Variants in DNM2 observed in about 807,000 individuals in gnomAD.
DNM2 encodes the protein dynamin-2.
DNM2 carries 15 observed loss-of-function variants against 99.0 expected under a neutral mutation model. That is an observed-to-expected ratio of 0.15 (90% CI 0.10 to 0.23). The LOEUF (loss-of-function observed/expected upper bound fraction) is 0.23, where lower values mean the gene tolerates loss of function less well. DNM2 is among the 10% of genes least tolerant of loss of function. DNM2 has a pLI of 1.00. For missense variants in DNM2, 742 were observed against 1,189.4 expected, an observed-to-expected ratio of 0.62 and a Z score of 5.53; for synonymous variants, 525 against 481.2, an observed-to-expected ratio of 1.09 and a Z score of -1.19.
At chr19:10,766,734 G>A (rs1208548724) in intron 2 of DNM2, among the ~76,000 whole-genome samples, 1 of 152,138 alleles carries the variant, frequency 6.6e-6, no homozygotes, top group South Asian at 2.1e-4. Context: ...AGTACAACCA[G>A]TGGGCCCACA....
At chr19:10,807,104 G>A (rs772853179) in intron 13 of DNM2, among the ~76,000 whole-genome samples, 4 of 152,036 alleles carry the variant, frequency 2.6e-5, no homozygotes, top group African/African-American at 4.8e-5. Context: ...ACAGAGTCTC[G>A]CATTGTCACC....
chr19:10,760,587 C>T (rs1206310499), intron 2 of DNM2, among the ~76,000 whole-genome samples: 1 of 152,100 alleles, frequency 6.6e-6, no homozygotes, highest in Non-Finnish European at 1.5e-5. Flanking sequence ...TTTATAGCTG[C>T]TCTGCTCAAT....
rs1426200203 is a variant in DNM2 at position 10,795,696 on chromosome 19, C to A, written c.1196+257C>A. 1 of 587,028 alleles carries A rather than the reference C, an allele frequency of 1.7e-6. No individual in the cohort carries two copies. 36.4% of individuals were successfully genotyped at this position (587,028 alleles called of 1,614,324 possible). On this transcript the variant is annotated intron_variant, in intron 9 of 20. Transcript: ENST00000389253. This position sits in a 1 kb window ranked among gnomAD's most constrained non-coding sequence, Gnocchi z 4.2. Reference sequence around the variant, plus strand: ...AAATAGGGCTTAGTTCCTGCCCAGTCGGTTGGTGTGAACCTCATGCTAAAC... The same window carrying A: ...AAATAGGGCTTAGTTCCTGCCCAGTAGGTTGGTGTGAACCTCATGCTAAAC...
At chr19:10,819,152 C>G (rs545903974) in intron 15 of DNM2, among the ~76,000 whole-genome samples, 1 of 152,106 alleles carries the variant, frequency 6.6e-6, no homozygotes, top group South Asian at 2.1e-4. Flanking sequence ...AGGGCAGGTG[C>G]GGTGGTGCAC....
rs1415898247 is a variant in DNM2 at position 10,764,582 on chromosome 19, C to T, written c.235+4771C>T. Among the ~76,000 whole-genome samples, 5 of 152,228 alleles carry T rather than the reference C, an allele frequency of 3.3e-5. No individual in the cohort carries two copies. The highest frequency in any genetic ancestry group is 1.2e-4 in the African/African-American group (5 of 41,466). ...CAGTGAGGCCCTGTGAACCACCCCT[C>T]CCCACCGCCCTTGGCCTTGAACTGG... On this transcript the variant is annotated intron_variant, in intron 2 of 20. Coordinates refer to ENST00000389253, the MANE Select transcript of DNM2 (RefSeq NM_001005361.3). This position sits in a 1 kb window ranked among gnomAD's most constrained non-coding sequence, Gnocchi z 4.1.
chr19:10,787,969 C>T (rs375735873), intron 7 of DNM2, among the ~76,000 whole-genome samples: 38 of 152,006 alleles, frequency 2.5e-4, no homozygotes, highest in African/African-American at 6.5e-4. Flanking sequence ...TGGTGGCTTA[C>T]GCCTGTAATC....
Position 10,831,127 on chromosome 19 carries a change from C to T in DNM2, c.*80C>T, listed in dbSNP as rs1407126554. ...TTCAGTGGTCTGGGGCCCTCCGCCG[C>T]CCCTATGCTGGGACCAGGCTCCCAG... On this transcript the variant is annotated 3_prime_UTR_variant, in exon 21 of 21. Transcript: ENST00000389253. This position sits in a 1 kb window ranked among gnomAD's most constrained non-coding sequence, Gnocchi z 4.3. 2.7e-6 allele frequency: 4 copies of T among 1,499,106 alleles called. No individual in the cohort carries two copies. The highest frequency in any genetic ancestry group is 3.6e-6 in the Non-Finnish European group (4 of 1,124,232). 92.9% of individuals were successfully genotyped at this position (1,499,106 alleles called of 1,614,324 possible). A position where few individuals can be genotyped will look rare whatever the true frequency, so the allele number is the denominator to read the frequency against.
chr19:10,718,126 T>C lies in DNM2; in HGVS notation c.-117T>C. 8.7e-7 allele frequency: 1 copy of C among 1,151,898 alleles called. No homozygotes were observed. Among genetic ancestry groups the C allele is most frequent in the Non-Finnish European group, 1.1e-6 (1 of 910,954 alleles). 71.4% of individuals were successfully genotyped at this position (1,151,898 alleles called of 1,614,324 possible). On this transcript the variant is annotated 5_prime_UTR_variant, in exon 1 of 21. Coordinates refer to ENST00000389253, the MANE Select transcript of DNM2 (RefSeq NM_001005361.3). ...CGTGAGGCCGAGCCGGGAGCGGGCG[T>C]CTTGCCGAGGCCCGGGCGGGCGGGG...
chr19:10,828,906 C>T, intron 18 of DNM2, 130 bp from the exon 19 acceptor site: 1 of 935,876 alleles, frequency 1.1e-6, no homozygotes, highest in Non-Finnish European at 1.7e-6. Flanking sequence ...GCCTGGGTGA[C>T]AGAGCAAGAC....
intron 7 of DNM2, among the ~76,000 whole-genome samples, chr19:10,791,631 G>A (rs1039506996): frequency 6.6e-6 from 1 of 152,180 alleles, no homozygotes; most frequent in African/African-American, 2.4e-5. Context: ...CCAGGAGGCT[G>A]GTGCCCAGGT....
intron 13 of DNM2, 122 bp downstream of exon 13, chr19:10,806,089 G>A (rs1599590286): frequency 1.6e-6 from 2 of 1,239,272 alleles, no homozygotes; most frequent in South Asian, 2.5e-5. Context: ...TCAGTACCAG[G>A]CCATCTGCTC....
chr19:10,783,214 A>G, intron 6 of DNM2, 94 bp downstream of exon 6: 1 of 1,570,398 alleles, frequency 6.4e-7, no homozygotes, highest in East Asian at 2.3e-5. Context: ...AGGCTAGAGC[A>G]GCACTTGTTT....
At chr19:10,794,781 A>G (rs1477430963) in intron 8 of DNM2, among the ~76,000 whole-genome samples, 3 of 152,152 alleles carry the variant, frequency 2.0e-5, no homozygotes, top group Non-Finnish European at 4.4e-5. Context: ...AAGAAAAAAG[A>G]AAAAGCTGGG....
chr19:10,830,411 G>A lies in DNM2; in HGVS notation c.2543+33G>A, dbSNP rs1189982577. On this transcript the variant is annotated intron_variant, in intron 20 of 20. Transcript: ENST00000389253. This position sits in a 1 kb window ranked among gnomAD's most constrained non-coding sequence, Gnocchi z 4.8. ...CAACCCCCTGCCCTCCACCCCAACTGCCTGCACCCTGGGGTCTCTCCTCCT... is the reference window on the plus strand; with the variant it reads ...CAACCCCCTGCCCTCCACCCCAACTACCTGCACCCTGGGGTCTCTCCTCCT... The A allele has an allele frequency of 6.3e-7, 1 of 1,598,974 alleles. No homozygotes were observed.
rs963331094 is a variant in DNM2, at chr19:10,765,149, G to T, written c.235+5338G>T. Among the ~76,000 whole-genome samples the T allele has an allele frequency of 6.6e-6, 1 of 151,836 alleles. No individual in the cohort carries two copies. The highest frequency in any genetic ancestry group is 2.4e-5 in the African/African-American group (1 of 41,342). On this transcript the variant is annotated intron_variant, in intron 2 of 20. Coordinates refer to ENST00000389253, the MANE Select transcript of DNM2 (RefSeq NM_001005361.3). This position sits in a 1 kb window ranked among gnomAD's most constrained non-coding sequence, Gnocchi z 4.4. ...ATTTTTTTGTATGCTTAGTAGAGAC[G>T]GGGTTTCACCGTGTTAGCCAGGATG...
chr19:10,795,946 A>G lies in DNM2; in HGVS notation c.1196+507A>G. On this transcript the variant is annotated intron_variant, in intron 9 of 20. Transcript: ENST00000389253. This position sits in a 1 kb window ranked among gnomAD's most constrained non-coding sequence, Gnocchi z 4.2. ...AGTGGACTCAGGCATCCGACCCCAC[A>G]CATGACACAACCTTCATTCCTTGTT... 1.9e-6 allele frequency: 3 copies of G among 1,568,378 alleles called. No individual in the cohort carries two copies. Among genetic ancestry groups the G allele is most frequent in the Non-Finnish European group, 2.6e-6 (3 of 1,151,012 alleles).
chr19:10,748,661 C>G (rs528282376), intron 1 of DNM2, among the ~76,000 whole-genome samples: 3 of 152,304 alleles, frequency 2.0e-5, no homozygotes, highest in East Asian at 3.9e-4. Flanking sequence ...TCATTGGTGT[C>G]CCACCCACAT....
chr19:10,752,244 G>T (rs533519096), intron 1 of DNM2, among the ~76,000 whole-genome samples: 261 of 152,338 alleles, frequency 1.7e-3, no homozygotes, highest in Non-Finnish European at 3.2e-3. Context: ...GTGTATGTGT[G>T]TGTGGGGTAC....
chr19:10,798,774 A>G (rs529089753), intron 11 of DNM2, among the ~76,000 whole-genome samples: 3 of 151,324 alleles, frequency 2.0e-5, no homozygotes, highest in Non-Finnish European at 4.4e-5. Context: ...ACCTCAATCA[A>G]GATACAGAGC....
Sources: allele counts gnomAD v4.1 joint callset (sites outside exome capture counted in the v4.1 genomes callset), GRCh38; gene constraint gnomAD v4.1.1; non-coding constraint Gnocchi (gnomAD v3.1); transcripts MANE v1.5; gene names NCBI Gene and HGNC (gene_info 2026-07-23, HGNC 2026-07-21).